The following EXOC2 variants were observed in gnomAD, a reference collection of about 807,000 sequenced individuals.
The protein encoded by EXOC2 is exocyst complex component 2.
A neutral mutation model predicts 131.8 loss-of-function variants in EXOC2; 70 were observed. That is an observed-to-expected ratio of 0.53 (90% CI 0.44 to 0.65). The LOEUF (loss-of-function observed/expected upper bound fraction) is 0.65. Ranked by LOEUF, EXOC2 falls within the 30% of genes least tolerant of loss-of-function variation. The probability of loss-of-function intolerance (pLI) is 0.00; values close to 1 mark genes in which losing one functional copy is unlikely to be tolerated. For missense variants in EXOC2, 923 were observed against 1,108.6 expected, an observed-to-expected ratio of 0.83 and a Z score of 2.38; for synonymous variants, 411 against 398.4, an observed-to-expected ratio of 1.03 and a Z score of -0.38.
At chr6:594,813 T>A (rs761933969) in intron 10 of EXOC2, among the ~76,000 whole-genome samples, 1 of 152,238 alleles carries the variant, frequency 6.6e-6, no homozygotes, top group African/African-American at 2.4e-5. Context: ...GCTCTTCAAA[T>A]AAGTTTCTTG....
At chr6:530,851 T>C (rs1340533089) in intron 23 of EXOC2, among the ~76,000 whole-genome samples, 1 of 152,268 alleles carries the variant, frequency 6.6e-6, no homozygotes, top group Non-Finnish European at 1.5e-5. Context: ...GCATCTGTAC[T>C]GAGCATATAC....
At chr6:603,557 T>C (rs1397506912) in intron 7 of EXOC2, among the ~76,000 whole-genome samples, 1 of 152,176 alleles carries the variant, frequency 6.6e-6, no homozygotes, top group East Asian at 1.9e-4. Flanking sequence ...AATGGGAGTA[T>C]TTACACCTTG....
At chr6:653,744 G>A (rs898209399) in intron 1 of EXOC2, among the ~76,000 whole-genome samples, 1 of 152,188 alleles carries the variant, frequency 6.6e-6, no homozygotes, top group Non-Finnish European at 1.5e-5. Context: ...TACACTCAAC[G>A]ACACATTTTC....
chr6:491,403 G>T (rs1763428959), intron 25 of EXOC2, among the ~76,000 whole-genome samples: 1 of 152,238 alleles, frequency 6.6e-6, no homozygotes. Context: ...TGTAGTCAAG[G>T]ATGACTGTGT....
chr6:546,886 G>T (rs758270333), intron 22 of EXOC2, among the ~76,000 whole-genome samples: 1 of 152,226 alleles, frequency 6.6e-6, no homozygotes. Context: ...CGACTGCACA[G>T]GGGGTTGGCA....
intron 23 of EXOC2, among the ~76,000 whole-genome samples, chr6:500,297 G>C (rs1039119617): frequency 1.3e-5 from 2 of 152,332 alleles, no homozygotes; most frequent in East Asian, 3.9e-4. Flanking sequence ...ATTTGATTCT[G>C]TAAGCAAGTT....
rs185361722 is a variant in EXOC2, at chr6:576,800, C to T, written c.1275G>A (p.Ala425=). ...PSVLGHLSQT[A]SLKRGSSFQS... ...GAAAGCTGCTGCCCCTCTTCAGGGA[C>T]GCTGTCTGACTGAGATGGCCCAACA... is the stretch of plus-strand genomic sequence containing the variant. The change falls in exon 12 of 28, where the codon GCG becomes GCA. Residue 425 remains alanine, a synonymous_variant. Transcript: ENST00000230449. The T allele has an allele frequency of 3.0e-5, 48 of 1,614,086 alleles. No individual in the cohort carries two copies. The Admixed American group carries it at 3.3e-4, about 11-fold the overall frequency.
At chr6:487,470 G>A (rs1161675386) in intron 27 of EXOC2, among the ~76,000 whole-genome samples, 3 of 152,030 alleles carry the variant, frequency 2.0e-5, no homozygotes, top group Non-Finnish European at 4.4e-5. Context: ...GCAGTGGCGC[G>A]ATTTCGGCTC....
intron 11 of EXOC2, among the ~76,000 whole-genome samples, chr6:582,985 T>C (rs1001324017): frequency 2.6e-5 from 4 of 152,158 alleles, no homozygotes; most frequent in Non-Finnish European, 5.9e-5. Context: ...ACTACAGGTA[T>C]AAACTTTGAA....
chr6:626,808 G>C (rs1761596442), intron 4 of EXOC2, among the ~76,000 whole-genome samples: 1 of 151,866 alleles, frequency 6.6e-6, no homozygotes, highest in African/African-American at 2.4e-5. Flanking sequence ...GGCCAGGCTG[G>C]TCTCAAACTC....
intron 1 of EXOC2, among the ~76,000 whole-genome samples, chr6:639,831 G>A (rs147029801): frequency 7.7e-4 from 117 of 152,296 alleles, no homozygotes; most frequent in African/African-American, 2.7e-3. Context: ...GTTAACAGGA[G>A]CAAAGGGCAG....
rs543566667 is a variant in EXOC2, at chr6:576,653, G to A, written c.1318+104C>T. The A allele has an allele frequency of 5.1e-6, 7 of 1,366,060 alleles. No individual in the cohort carries two copies. The African/African-American group carries it at 5.8e-5, about 11-fold the overall frequency. 84.6% of individuals were successfully genotyped at this position (1,366,060 alleles called of 1,614,324 possible). On this transcript the variant is annotated intron_variant, in intron 12 of 27. Coordinates refer to ENST00000230449, the MANE Select transcript of EXOC2 (RefSeq NM_018303.6). ...AAGCGATGATGGCTGATAATACTTA[G>A]CACCAGTATCAACACAAATTGGGGA...
intron 11 of EXOC2, among the ~76,000 whole-genome samples, chr6:578,672 C>T (rs929599636): frequency 6.6e-6 from 1 of 152,040 alleles, no homozygotes; most frequent in Non-Finnish European, 1.5e-5. Context: ...TATGTTTTGG[C>T]CACTGTGCTA....
intron 1 of EXOC2, among the ~76,000 whole-genome samples, chr6:652,281 A>T (rs1404607929): frequency 6.6e-6 from 1 of 152,210 alleles, no homozygotes; most frequent in African/African-American, 2.4e-5. Flanking sequence ...TTAAATCAGA[A>T]TCTAGCCCAA....
In EXOC2 at chr6:635,416, C is replaced by T. The variant is rs1762053780; in HGVS notation, c.118+2285G>A. ...ATTTAATATCTGTTGTGCATTTTTA[C>T]TCCAAAAAAATGAATAATCAGCAAA... On this transcript the variant is annotated intron_variant, in intron 2 of 27. Transcript: ENST00000230449. Among the ~76,000 whole-genome samples, 4 of 152,092 alleles carry T rather than the reference C, an allele frequency of 2.6e-5. No homozygotes were observed. In the South Asian group the frequency reaches 8.3e-4, roughly 31 times the overall value.
chr6:646,742 T>C, intron 1 of EXOC2, among the ~76,000 whole-genome samples: 1 of 152,248 alleles, frequency 6.6e-6, no homozygotes, highest in East Asian at 1.9e-4. Context: ...AGAATTATTA[T>C]TTTACTGGAA....
chr6:530,633 G>A (rs1003411046), intron 23 of EXOC2, among the ~76,000 whole-genome samples: 3 of 152,194 alleles, frequency 2.0e-5, no homozygotes, highest in African/African-American at 7.2e-5. Flanking sequence ...ACTAGGCACA[G>A]GGTTCACAGT....
intron 17 of EXOC2, among the ~76,000 whole-genome samples, chr6:561,491 T>C (rs1757695511): frequency 6.6e-6 from 1 of 152,236 alleles, no homozygotes; most frequent in Non-Finnish European, 1.5e-5. Context: ...CCTGATAGCC[T>C]GACTCATCAC....
chr6:554,709 C>A (rs1305040960), intron 20 of EXOC2, among the ~76,000 whole-genome samples: 1 of 139,590 alleles, frequency 7.2e-6, no homozygotes, highest in African/African-American at 2.9e-5. Flanking sequence ...AAGTATAATT[C>A]AGAAAGAACG....
Sources: gnomAD v4.1 joint callset for allele counts (sites outside exome capture counted in the v4.1 genomes callset) on GRCh38, gnomAD v4.1.1 for gene constraint, MANE v1.5 for transcripts, NCBI Gene and HGNC (gene_info 2026-07-23, HGNC 2026-07-21) for gene names.